TTC28: variants seen among roughly 807,000 people sequenced by gnomAD.
TTC28 encodes the protein tetratricopeptide repeat domain 28.
TTC28 carries 61 observed loss-of-function variants against 198.0 expected under a neutral mutation model. The observed-to-expected ratio is 0.31, with a 90% CI of 0.25 to 0.38. The LOEUF is 0.38. Among genes scored for constraint, TTC28 ranks in the 10% least tolerant of loss-of-function variants. The pLI, the probability that TTC28 is intolerant of heterozygous loss-of-function variation, is 1.00. For missense variants in TTC28, 2,678 were observed against 3,164.0 expected, an observed-to-expected ratio of 0.85 and a Z score of 3.69; for synonymous variants, 1,171 against 1,297.8, an observed-to-expected ratio of 0.90 and a Z score of 2.10.
chr22:28,228,227 G>A (rs1211889692), intron 5 of TTC28, among the ~76,000 whole-genome samples: 1 of 152,036 alleles, frequency 6.6e-6, no homozygotes, highest in Non-Finnish European at 1.5e-5. Context: ...AGAATGAGGA[G>A]TTGACTGTTT....
intron 5 of TTC28, among the ~76,000 whole-genome samples, chr22:28,185,127 C>G (rs934594953): frequency 1.3e-5 from 2 of 152,190 alleles, no homozygotes; most frequent in Non-Finnish European, 2.9e-5. Context: ...TCTTTCAACT[C>G]CTAGTCCTCC....
intron 2 of TTC28, among the ~76,000 whole-genome samples, chr22:28,311,221 C>CTTGTGATATATATCATGTGA (rs61345590): frequency 0.016 from 2,397 of 152,180 alleles, 85 homozygotes; most frequent in African/African-American, 0.056. Context: ...CTTTGTTCAA[C>CTTGTGATATATATCATGTGA]TATACTTGTA....
intron 2 of TTC28, among the ~76,000 whole-genome samples, chr22:28,593,300 G>A (rs1050340568): frequency 6.6e-6 from 1 of 152,138 alleles, no homozygotes; most frequent in Non-Finnish European, 1.5e-5. Flanking sequence ...TGTCCAAAAT[G>A]ACTTATATGA....
intron 2 of TTC28, among the ~76,000 whole-genome samples, chr22:28,594,947 C>A (rs902201191): frequency 6.6e-6 from 1 of 152,124 alleles, no homozygotes; most frequent in Non-Finnish European, 1.5e-5. Flanking sequence ...TACTACTCTT[C>A]TGAGAAAATA....
At chr22:28,356,861 T>A (rs1389011758) in intron 2 of TTC28, among the ~76,000 whole-genome samples, 2 of 152,106 alleles carry the variant, frequency 1.3e-5, no homozygotes, top group African/African-American at 4.8e-5. Flanking sequence ...TTCAAAAAAA[T>A]TATCATTCAG....
At chr22:28,128,323 A>C (rs1364404307) in intron 6 of TTC28, among the ~76,000 whole-genome samples, 2 of 151,032 alleles carry the variant, frequency 1.3e-5, no homozygotes, top group East Asian at 3.9e-4. Flanking sequence ...GTCTCAAAAA[A>C]ACAAAAAAAA....
intron 2 of TTC28, among the ~76,000 whole-genome samples, chr22:28,380,972 T>C (rs2046484789): frequency 6.6e-6 from 1 of 152,076 alleles, no homozygotes; most frequent in African/African-American, 2.4e-5. Flanking sequence ...GCCTGCTGTT[T>C]TGCCTTACCT....
At chr22:28,530,439 G>A (rs956667894) in intron 2 of TTC28, among the ~76,000 whole-genome samples, 4 of 152,308 alleles carry the variant, frequency 2.6e-5, no homozygotes, top group Admixed American at 2.0e-4. Flanking sequence ...TCTGATTGGT[G>A]TACTTGAAAG....
intron 12 of TTC28, among the ~76,000 whole-genome samples, chr22:28,030,707 G>A (rs1016578444): frequency 6.6e-6 from 1 of 152,196 alleles, no homozygotes; most frequent in Non-Finnish European, 1.5e-5. Flanking sequence ...GTCTGTGATG[G>A]GCTGGTCAGG....
intron 5 of TTC28, among the ~76,000 whole-genome samples, chr22:28,193,146 A>C (rs760183200): frequency 1.9e-4 from 29 of 152,214 alleles, no homozygotes; most frequent in Non-Finnish European, 4.0e-4. Context: ...AATATTCTTA[A>C]AAGAATTTTC....
chr22:28,167,464 T>C (rs135659), intron 5 of TTC28, among the ~76,000 whole-genome samples: 2,655 of 152,290 alleles, frequency 0.017, 28 homozygotes, highest in Non-Finnish European at 0.027. Flanking sequence ...ATCAAAAAGC[T>C]TATACACCAC....
intron 5 of TTC28, among the ~76,000 whole-genome samples, chr22:28,199,762 C>G (rs905476928): frequency 3.3e-5 from 5 of 151,716 alleles, no homozygotes; most frequent in African/African-American, 4.8e-5. Context: ...CCTCTACCCA[C>G]TAGATGCCAC....
chr22:28,406,388 GA>G (rs1178288484), intron 2 of TTC28, among the ~76,000 whole-genome samples: 1 of 152,168 alleles, frequency 6.6e-6, no homozygotes, highest in African/African-American at 2.4e-5. Context: ...AGACTGTTTT[GA>G]AACAGTTGTT....
intron 5 of TTC28, among the ~76,000 whole-genome samples, chr22:28,249,283 A>G (rs1405123806): frequency 1.3e-5 from 2 of 152,180 alleles, no homozygotes; most frequent in Non-Finnish European, 2.9e-5. Flanking sequence ...TGAGGATTAA[A>G]TAAGTGAATG....
intron 2 of TTC28, among the ~76,000 whole-genome samples, chr22:28,311,527 G>T (rs1168618058): frequency 1.3e-5 from 2 of 152,040 alleles, no homozygotes; most frequent in African/African-American, 4.8e-5. Flanking sequence ...TTTAATTTTT[G>T]CAGGTACACA....
At chr22:28,080,323 A>G (rs181444908) in intron 12 of TTC28, among the ~76,000 whole-genome samples, 1 of 152,110 alleles carries the variant, frequency 6.6e-6, no homozygotes, top group Non-Finnish European at 1.5e-5. Context: ...AAAGGTTCCA[A>G]TTTTTCCACA....
intron 2 of TTC28, among the ~76,000 whole-genome samples, chr22:28,399,336 T>TTG (rs1555986705): frequency 1.2e-4 from 17 of 141,648 alleles, no homozygotes; most frequent in African/African-American, 4.1e-4. Flanking sequence ...TTTTTTTTTT[T>TTG]GAGACAGGCT....
At chr22:28,595,448 C>A (rs2050523269) in intron 2 of TTC28, among the ~76,000 whole-genome samples, 1 of 152,062 alleles carries the variant, frequency 6.6e-6, no homozygotes, top group Non-Finnish European at 1.5e-5. Flanking sequence ...ATTTGTGACC[C>A]CGTAGCATTT....
In TTC28 at chr22:27,987,610, C is replaced by T. The variant is rs372171910; in HGVS notation, c.5708-2254G>A. 1.1e-4 allele frequency among the ~76,000 whole-genome samples: 16 copies of T among 152,238 alleles called. No individual in the cohort carries two copies. The South Asian group carries it at 1.5e-3, about 14-fold the overall frequency. ...AGCTGGGCGTGGGTGGTGCATGCCT[C>T]AAGTCCCAGCTACTTGGGAGGTGGA... On this transcript the variant is annotated intron_variant, in intron 21 of 22. Coordinates refer to ENST00000397906, the MANE Select transcript of TTC28 (RefSeq NM_001145418.2).
Sources: gnomAD v4.1 joint callset for allele counts (sites outside exome capture counted in the v4.1 genomes callset) on GRCh38, gnomAD v4.1.1 for gene constraint, MANE v1.5 for transcripts, NCBI Gene and HGNC (gene_info 2026-07-23, HGNC 2026-07-21) for gene names.